Variants in IPO8 observed in about 807,000 individuals in gnomAD.
IPO8 encodes importin 8.
A neutral mutation model predicts 141.2 loss-of-function variants in IPO8; 65 were observed. That is an observed-to-expected ratio of 0.46 (90% CI 0.38 to 0.57). The LOEUF (loss-of-function observed/expected upper bound fraction) is 0.57, where lower values mean the gene tolerates loss of function less well. Ranked by LOEUF, IPO8 falls within the 20% of genes least tolerant of loss-of-function variation. The probability of loss-of-function intolerance (pLI) is 0.00; values close to 1 mark genes in which losing one functional copy is unlikely to be tolerated. For missense variants in IPO8, 980 were observed against 1,246.8 expected (o/e 0.79, Z 3.22); for synonymous variants, 411 against 420.3 (o/e 0.98, Z 0.27).
At chr12:30,635,123 T>C (rs1212964347) in intron 22 of IPO8, among the ~76,000 whole-genome samples, 1 of 152,024 alleles carries the variant, frequency 6.6e-6, no homozygotes, top group Non-Finnish European at 1.5e-5. Context: ...ATCAAACTCA[T>C]AGAAGTAGAG....
intron 13 of IPO8, 130 bp from the exon 14 acceptor site, chr12:30,663,784 T>A: frequency 1.7e-6 from 1 of 604,882 alleles, no homozygotes. Context: ...GGTAACACAG[T>A]AGCCTTAGTT....
intron 2 of IPO8, chr12:30,686,795 T>G (rs901926125): frequency 2.2e-4 from 33 of 152,126 alleles, no homozygotes; most frequent in African/African-American, 7.5e-4. Context: ...TTATTTATGA[T>G]TTAGTCATTA....
intron 15 of IPO8, 62 bp downstream of exon 15, chr12:30,662,265 G>A (rs1454335610): frequency 6.8e-6 from 9 of 1,315,306 alleles, no homozygotes; most frequent in Non-Finnish European, 9.6e-6. Context: ...TCCATATTTT[G>A]GAGTTTATTT....
intron 8 of IPO8, among the ~76,000 whole-genome samples, chr12:30,672,844 T>A (rs1276055315): frequency 1.3e-5 from 2 of 152,180 alleles, no homozygotes; most frequent in Non-Finnish European, 2.9e-5. Flanking sequence ...TGCATTGTAC[T>A]TTTTAGAAAG....
chr12:30,692,935 C>A (rs1428971258), intron 1 of IPO8, among the ~76,000 whole-genome samples: 3 of 152,160 alleles, frequency 2.0e-5, no homozygotes, highest in Non-Finnish European at 4.4e-5. Flanking sequence ...TTGCCTGTAT[C>A]CCCAGCTCCA....
At chr12:30,634,028 G>A in intron 23 of IPO8, 55 bp downstream of exon 23, 1 of 1,488,028 alleles carries the variant, frequency 6.7e-7, no homozygotes, top group Non-Finnish European at 9.3e-7. Context: ...AGGAAGAAAT[G>A]AAGAAAGAGT....
chr12:30,691,280 T>C (rs1292223113), intron 1 of IPO8, among the ~76,000 whole-genome samples: 2 of 152,166 alleles, frequency 1.3e-5, no homozygotes, highest in African/African-American at 4.8e-5. Context: ...CCAGTCCAGA[T>C]TGGAACAGTG....
chr12:30,684,584 C>T (rs1249099118), intron 2 of IPO8, 127 bp from the exon 3 acceptor site: 10 of 757,742 alleles, frequency 1.3e-5, no homozygotes, highest in Middle Eastern at 2.5e-4. Flanking sequence ...GATACTCTTA[C>T]AGGTATAAAC....
Position 30,695,495 on chromosome 12 carries a change from G to A in IPO8, c.84+69C>T. 2.1e-6 allele frequency: 3 copies of A among 1,395,386 alleles called. No homozygotes were observed. Among genetic ancestry groups the A allele is most frequent in the Non-Finnish European group, 3.0e-6 (3 of 986,614 alleles). The allele number at this position is 1,395,386 out of a possible 1,614,324, so 86.4% of individuals were successfully genotyped here. A position where few individuals can be genotyped will look rare whatever the true frequency, so the allele number is the denominator to read the frequency against. ...GGGTGAGGACGAGGGGCGCCGGGGA[G>A]AGGGAGCCCGGCCAGCCGGCAGGGG... is the stretch of plus-strand genomic sequence containing the variant. On this transcript the variant is annotated intron_variant, in intron 1 of 24. Transcript: ENST00000256079. This position sits in a 1 kb window ranked among gnomAD's most constrained non-coding sequence, Gnocchi z 4.2.
At chr12:30,682,887 A>G (rs529547508) in intron 3 of IPO8, among the ~76,000 whole-genome samples, 1 of 152,320 alleles carries the variant, frequency 6.6e-6, no homozygotes, top group African/African-American at 2.4e-5. Flanking sequence ...AGAAATTTCA[A>G]CAATGATTAT....
At position 30,630,856 on chromosome 12, in the gene IPO8, T is replaced by C. The variant is rs909015174; in HGVS notation, c.*4A>G. The stretch of plus-strand genomic sequence containing the variant: ...TGACATTTGGTCAGCTGATGTTCTT[T>C]CCTTCAGTTGTTGCTGGGCACAGTC... On this transcript the variant is annotated 3_prime_UTR_variant, in exon 25 of 25. Coordinates refer to ENST00000256079, the MANE Select transcript of IPO8 (RefSeq NM_006390.4). 1.9e-6 allele frequency: 3 copies of C among 1,607,486 alleles called. No individual in the cohort carries two copies. The African/African-American group carries it at 4.0e-5, about 22-fold the overall frequency.
chr12:30,663,936 T>C (rs1034243570), intron 13 of IPO8, among the ~76,000 whole-genome samples: 4 of 152,220 alleles, frequency 2.6e-5, no homozygotes, highest in African/African-American at 9.6e-5. Context: ...TTTTAATAAA[T>C]ATTATAACTC....
chr12:30,636,500 G>A (rs1008224591), intron 22 of IPO8, among the ~76,000 whole-genome samples: 5 of 151,884 alleles, frequency 3.3e-5, no homozygotes, highest in East Asian at 1.9e-4. Context: ...AAATATGGAC[G>A]TCTCTCAAAT....
At position 30,661,233 on chromosome 12, in the gene IPO8, C is replaced by T. The variant is rs745812229; in HGVS notation, c.1789G>A (p.Glu597Lys). Residue 597 changes from glutamate (E) to lysine (K), a missense_variant, in exon 16 of 25, where the codon GAA becomes AAA. Transcript: ENST00000256079. ...GTTTTGTCTTCAACTTCTTCATATTCATCACTTTGAAGAACTTTGCCAAAT... is the reference window on the plus strand; with the variant it reads ...GTTTTGTCTTCAACTTCTTCATATTTATCACTTTGAAGAACTTTGCCAAAT... Reference protein sequence around the residue: ...EIFGKVLQSDEYEEVEDKTVM... With the variant: ...EIFGKVLQSDKYEEVEDKTVM... The T allele has an allele frequency of 6.3e-7, 1 of 1,596,484 alleles. No individual in the cohort carries two copies. The highest frequency in any genetic ancestry group is 2.3e-5 in the East Asian group (1 of 43,436).
In IPO8 at chr12:30,680,604, T is replaced by C; in HGVS notation, c.517A>G (p.Ile173Val). 1 of 1,612,012 alleles carries C rather than the reference T, an allele frequency of 6.2e-7. No homozygotes were observed. The highest frequency in any genetic ancestry group is 1.1e-5 in the South Asian group (1 of 90,694). The change falls in exon 5 of 25, where the codon ATA becomes GTA. Residue 173 changes from isoleucine (I) to valine (V), a missense_variant. Transcript: ENST00000256079. ...KKAEEREPLI[I>V]AMQIFLPRIQ... ...CGAGGCAGGAATATCTGCATTGCTA[T>C]TATAAGAGGTTCTCTCTCTTCTGCT...
Position 30,676,602 on chromosome 12 carries a change from A to G in IPO8, c.640-15T>C. The G allele has an allele frequency of 6.4e-7, 1 of 1,554,662 alleles. No individual in the cohort carries two copies. The highest frequency in any genetic ancestry group is 8.9e-7 in the Non-Finnish European group (1 of 1,125,950). The stretch of plus-strand genomic sequence containing the variant: ...GGCAATGCATACTGGAAAAGAGAAG[A>G]ACAACATGAACAGTAATTCCTCCCA... On this transcript the variant is annotated splice_polypyrimidine_tract_variant and intron_variant, in intron 5 of 24. Coordinates refer to ENST00000256079, the MANE Select transcript of IPO8 (RefSeq NM_006390.4).
chr12:30,665,983 G>T, intron 11 of IPO8, 138 bp from the exon 12 acceptor site: 1 of 670,110 alleles, frequency 1.5e-6, no homozygotes. Context: ...AATAAGAAAA[G>T]TATAATTTAT....
At chr12:30,633,935 G>A (rs2052467008) in intron 23 of IPO8, 148 bp downstream of exon 23, 2 of 623,170 alleles carry the variant, frequency 3.2e-6, no homozygotes, top group Non-Finnish European at 5.6e-6. Context: ...TTTCATGTAT[G>A]TATGTTTGGG....
At chr12:30,636,587 C>T (rs956577615) in intron 22 of IPO8, among the ~76,000 whole-genome samples, 4 of 152,214 alleles carry the variant, frequency 2.6e-5, no homozygotes, top group African/African-American at 9.6e-5. Flanking sequence ...ATCTGTGGTA[C>T]TAACACTTCA....
Sources: allele counts gnomAD v4.1 joint callset (sites outside exome capture counted in the v4.1 genomes callset), GRCh38; gene constraint gnomAD v4.1.1; non-coding constraint Gnocchi (gnomAD v3.1); transcripts MANE v1.5; gene names NCBI Gene and HGNC (gene_info 2026-07-23, HGNC 2026-07-21).